Variants in TMCC2 observed in about 807,000 individuals in gnomAD.
TMCC2 encodes the protein transmembrane and coiled-coil domains protein 2.
TMCC2 carries 16 observed loss-of-function variants against 49.4 expected under a neutral mutation model. The observed-to-expected ratio is 0.32, with a 90% CI of 0.22 to 0.49. The LOEUF is 0.49. TMCC2 is among the 20% of genes least tolerant of loss of function. The probability of loss-of-function intolerance (pLI) is 0.99; values close to 1 mark genes in which losing one functional copy is unlikely to be tolerated. For synonymous variants in TMCC2, 397 were observed against 434.1 expected (o/e 0.91, Z 1.06); for missense variants, 762 against 989.8 (o/e 0.77, Z 3.09).
intron 2 of TMCC2, among the ~76,000 whole-genome samples, chr1:205,255,202 C>CAAAAA (rs11406321): frequency 1.1e-5 from 1 of 93,560 alleles, no homozygotes; most frequent in Non-Finnish European, 2.1e-5. Context: ...GATCCTGTCT[C>CAAAAA]AAAAAAAAAA....
At chr1:205,249,133 G>A (rs1660568022) in intron 2 of TMCC2, among the ~76,000 whole-genome samples, 1 of 152,168 alleles carries the variant, frequency 6.6e-6, no homozygotes, top group Non-Finnish European at 1.5e-5. Flanking sequence ...AAGTGAGGAG[G>A]GTGGAGAGAT....
chr1:205,228,668 C>A lies in TMCC2; in HGVS notation c.104C>A (p.Pro35His). Residue 35 changes from proline (P) to histidine (H), a missense_variant, in exon 1 of 5, where the codon CCT becomes CAT. By Grantham distance (77) the Pro-to-His change is moderately conservative. Transcript: ENST00000358024. ...ASHLPGADLR[P>H]GETTGANSAG... ...CACCTGCCGGGCGCGGACCTCCGGC[C>A]TGGGGAGACCACGGGTGCTAACTCT... is the stretch of plus-strand genomic sequence containing the variant. The A allele has an allele frequency of 5.6e-6, 9 of 1,613,106 alleles. No homozygotes were observed. Among genetic ancestry groups the A allele is most frequent in the Admixed American group, 1.7e-5 (1 of 60,002 alleles).
intron 2 of TMCC2, among the ~76,000 whole-genome samples, chr1:205,266,706 A>G (rs748492672): frequency 7.9e-5 from 12 of 152,078 alleles, no homozygotes; most frequent in Non-Finnish European, 1.3e-4. Context: ...GCTTGATTGC[A>G]GGCATTTTTT....
At chr1:205,252,809 AT>A (rs71147737) in intron 2 of TMCC2, among the ~76,000 whole-genome samples, 116 of 147,226 alleles carry the variant, frequency 7.9e-4, no homozygotes, top group East Asian at 2.8e-3. Context: ...GTGGTTTGTG[AT>A]TTTTTTTTTT....
chr1:205,229,505 C>G (rs1305639901), intron 1 of TMCC2: 2 of 497,178 alleles, frequency 4.0e-6, no homozygotes, highest in Admixed American at 9.8e-5. Context: ...TCTTTGAGCG[C>G]TTTCCTGGAT....
intron 2 of TMCC2, among the ~76,000 whole-genome samples, chr1:205,258,635 C>A (rs1660978106): frequency 6.6e-6 from 1 of 152,200 alleles, no homozygotes; most frequent in Non-Finnish European, 1.5e-5. Flanking sequence ...CCCCACCGGG[C>A]TATTCCTGCT....
chr1:205,229,015 C>A, intron 1 of TMCC2: 1 of 1,342,624 alleles, frequency 7.4e-7, no homozygotes, highest in Admixed American at 3.1e-5. Flanking sequence ...GTGACTCACC[C>A]ATCCGAGATT....
rs887663967 is a variant in TMCC2 at position 205,228,412 on chromosome 1, A to AT, written c.-143dup. On this transcript the variant is annotated 5_prime_UTR_variant, in exon 1 of 5. Coordinates refer to ENST00000358024, the MANE Select transcript of TMCC2 (RefSeq NM_014858.4). The stretch of plus-strand genomic sequence containing the variant: ...GCCCCTCCCTCACCCGCCTTTAAGA[A>AT]TTTTTTTTTTAATTCAAGAAATTGT... 1,789 of 575,304 alleles carry AT rather than the reference A, an allele frequency of 3.1e-3. 5 individuals carry two copies. The highest frequency in any genetic ancestry group is 8.2e-3 in the South Asian group (301 of 36,622). The allele number at this position is 575,304 out of a possible 1,614,324, so 35.6% of individuals were successfully genotyped here. A position where few individuals can be genotyped will look rare whatever the true frequency, so the allele number is the denominator to read the frequency against.
chr1:205,229,848 T>C (rs1659722041), intron 1 of TMCC2: 2 of 985,240 alleles, frequency 2.0e-6, no homozygotes, highest in African/African-American at 3.5e-5. Context: ...TCTCTATCAA[T>C]TAAAACAGCA....
Position 205,228,724 on chromosome 1 carries a change from G to A in TMCC2, c.160G>A (p.Ala54Thr). 1.2e-6 allele frequency: 2 copies of A among 1,610,724 alleles called. No individual in the cohort carries two copies. ...AGGPTSDAGA[A>T]AAPNPGPRSK... The stretch of plus-strand genomic sequence containing the variant: ...CGGGCCAACTTCAGACGCCGGCGCT[G>A]CCGCGGCGCCCAACCCAGGTCCCCG... Residue 54 changes from alanine (A) to threonine (T), a missense_variant, in exon 1 of 5, where the codon GCC becomes ACC. By Grantham distance (58) the Ala-to-Thr change is moderately conservative. Transcript: ENST00000358024.
Position 205,272,405 on chromosome 1 carries a change from T to C in TMCC2, c.*281T>C, listed in dbSNP as rs1661636634. 7.9e-6 allele frequency: 4 copies of C among 507,594 alleles called. No homozygotes were observed. The highest frequency in any genetic ancestry group is 1.4e-5 in the Non-Finnish European group (4 of 293,886). 31.4% of individuals were successfully genotyped at this position (507,594 alleles called of 1,614,324 possible). A position where few individuals can be genotyped will look rare whatever the true frequency, so the allele number is the denominator to read the frequency against. On this transcript the variant is annotated 3_prime_UTR_variant, in exon 5 of 5. Coordinates refer to ENST00000358024, the MANE Select transcript of TMCC2 (RefSeq NM_014858.4). The stretch of plus-strand genomic sequence containing the variant: ...TTGGATTGTTTTGATTATTTATAGT[T>C]ACACAAGGACTTCTCCCAGCTGACC...
rs1243992932 is a variant in TMCC2 at position 205,264,539 on chromosome 1, C to T, written c.748-4411C>T. ...TCGCTCTGTTGCCCAGGCTGCAGTG[C>T]AGTGGCGTGATCTCGGTTCACTGCA... On this transcript the variant is annotated intron_variant, in intron 2 of 4. Transcript: ENST00000358024. This position sits in a 1 kb window ranked among gnomAD's most constrained non-coding sequence, Gnocchi z 4.2. 6.6e-6 allele frequency among the ~76,000 whole-genome samples: 1 copy of T among 151,810 alleles called. No homozygotes were observed. The highest frequency in any genetic ancestry group is 1.9e-4 in the East Asian group (1 of 5,182).
intron 2 of TMCC2, among the ~76,000 whole-genome samples, chr1:205,246,159 A>G (rs1660444039): frequency 6.6e-6 from 1 of 152,068 alleles, no homozygotes; most frequent in South Asian, 2.1e-4. Context: ...AAGGTTTCTG[A>G]TGATTCTATG....
At chr1:205,271,421 A>G in intron 4 of TMCC2, 166 bp downstream of exon 4, 1 of 1,163,116 alleles carries the variant, frequency 8.6e-7, no homozygotes, top group East Asian at 2.5e-5. Context: ...AGCGGAGTGG[A>G]GTGAGCAAGA....
chr1:205,248,266 G>A (rs565533653), intron 2 of TMCC2, among the ~76,000 whole-genome samples: 3 of 152,134 alleles, frequency 2.0e-5, no homozygotes, highest in South Asian at 2.1e-4. Flanking sequence ...AAAATTAGCC[G>A]GGTGTGGTAG....
rs1661629180 is a variant in TMCC2, at chr1:205,272,183, A to T, written c.*59A>T. 1 of 1,576,964 alleles carries T rather than the reference A, an allele frequency of 6.3e-7. No homozygotes were observed. The highest frequency in any genetic ancestry group is 1.3e-5 in the African/African-American group (1 of 74,244). Reference sequence around the variant, plus strand: ...CCCCAGCTGGCCACACTTCTCCAGGAGGGACCCTTGGACTTCTTTGTGTGT... The same window carrying T: ...CCCCAGCTGGCCACACTTCTCCAGGTGGGACCCTTGGACTTCTTTGTGTGT... On this transcript the variant is annotated 3_prime_UTR_variant, in exon 5 of 5. Coordinates refer to ENST00000358024, the MANE Select transcript of TMCC2 (RefSeq NM_014858.4).
chr1:205,232,955 A>G (rs1225092186), intron 1 of TMCC2, among the ~76,000 whole-genome samples: 1 of 143,676 alleles, frequency 7.0e-6, no homozygotes, highest in Admixed American at 7.4e-5. Context: ...AAAAAAAAAA[A>G]AAAAACACAA....
At position 205,234,447 on chromosome 1, in the gene TMCC2, A is replaced by G. The variant is rs558956598; in HGVS notation, c.207+5676A>G. ...GGCGACAGAGCGAGACTCTGTCTCA[A>G]AAATAAAAAACAAAACAAACAAACA... is the stretch of plus-strand genomic sequence containing the variant. On this transcript the variant is annotated intron_variant, in intron 1 of 4. Transcript: ENST00000358024. Among the ~76,000 whole-genome samples the G allele has an allele frequency of 5.5e-4, 84 of 152,278 alleles. 1 individual carries two copies. Among genetic ancestry groups the G allele is most frequent in the Middle Eastern group, 3.4e-3 (1 of 294 alleles).
At chr1:205,234,394 C>T (rs886947507) in intron 1 of TMCC2, among the ~76,000 whole-genome samples, 18 of 151,874 alleles carry the variant, frequency 1.2e-4, no homozygotes, top group Non-Finnish European at 2.9e-5. Flanking sequence ...TGCAGTGAGC[C>T]GAGATCGTGC....
Sources: gnomAD v4.1 joint callset for allele counts (sites outside exome capture counted in the v4.1 genomes callset) on GRCh38, gnomAD v4.1.1 for gene constraint, Gnocchi (gnomAD v3.1) non-coding constraint, MANE v1.5 for transcripts, NCBI Gene and HGNC (gene_info 2026-07-23, HGNC 2026-07-21) for gene names.